Variants in SAMMSON observed in about 807,000 individuals in gnomAD.
The protein encoded by SAMMSON is long intergenic non-protein coding RNA 1212.
intron 4 of SAMMSON, chr3:70,126,149 GGCA>G (rs2067457627): frequency 8.0e-7 from 1 of 1,246,172 alleles, no homozygotes; most frequent in African/African-American, 1.4e-5. Flanking sequence ...ATATACTTGA[GGCA>G]TGAATTAAGA....
At chr3:70,284,486 T>C (rs1702120881) in intron 6 of SAMMSON, among the ~76,000 whole-genome samples, 1 of 152,132 alleles carries the variant, frequency 6.6e-6, no homozygotes, top group South Asian at 2.1e-4. Flanking sequence ...AGCAAAGACA[T>C]GGCATCAACC....
chr3:70,337,556 A>C (rs1222286178), intron 7 of SAMMSON, among the ~76,000 whole-genome samples: 1 of 152,012 alleles, frequency 6.6e-6, no homozygotes, highest in Non-Finnish European at 1.5e-5. Context: ...TCTTGCAATG[A>C]GAATGATAGA....
In SAMMSON at chr3:70,395,235, C is replaced by T. The variant is rs533353386; in HGVS notation, n.233+36911C>T. On this transcript the variant is annotated intron_variant and non_coding_transcript_variant, in intron 2 of 3. Coordinates refer to the SAMMSON transcript ENST00000641053. ...TCTCTATTGTCCGCTCCATTCCACT[C>T]TTCTCCCCTCCTGCAGAATGCAAGT... 1.3e-4 allele frequency among the ~76,000 whole-genome samples: 20 copies of T among 151,868 alleles called. No individual in the cohort carries two copies. The South Asian group carries it at 3.7e-3, about 28-fold the overall frequency.
chr3:70,348,227 T>A (rs568267972), intron 7 of SAMMSON, among the ~76,000 whole-genome samples: 2 of 152,134 alleles, frequency 1.3e-5, no homozygotes, highest in African/African-American at 4.8e-5. Context: ...AAGGCTTGAA[T>A]AAGAAATGTG....
chr3:70,311,653 A>G (rs1702454124), intron 7 of SAMMSON, among the ~76,000 whole-genome samples: 1 of 152,204 alleles, frequency 6.6e-6, no homozygotes, highest in Admixed American at 6.5e-5. Flanking sequence ...TTACCAACAA[A>G]GTAATCTATG....
At chr3:70,175,839 T>C (rs141069837) in intron 4 of SAMMSON, among the ~76,000 whole-genome samples, 132 of 152,244 alleles carry the variant, frequency 8.7e-4, no homozygotes, top group Admixed American at 4.5e-3. Context: ...AGTTGGGTCC[T>C]GGGTTTCAGT....
chr3:70,097,925 G>T (rs1371683359), intron 4 of SAMMSON, among the ~76,000 whole-genome samples: 1 of 152,170 alleles, frequency 6.6e-6, no homozygotes, highest in Non-Finnish European at 1.5e-5. Context: ...CTTGAGAAAT[G>T]AATGTATTAA....
intron 4 of SAMMSON, among the ~76,000 whole-genome samples, chr3:70,207,765 A>T (rs1474776772): frequency 6.6e-6 from 1 of 152,106 alleles, no homozygotes; most frequent in Non-Finnish European, 1.5e-5. Flanking sequence ...ATATGGGAGG[A>T]TATGCATAGG....
chr3:70,005,859 T>C (rs778300104), intron 1 of SAMMSON, among the ~76,000 whole-genome samples: 13 of 152,194 alleles, frequency 8.5e-5, no homozygotes, highest in Non-Finnish European at 1.6e-4. Flanking sequence ...GTCCTTTCCT[T>C]ATTGACTAAA....
At chr3:70,314,326 T>C (rs187194403) in intron 7 of SAMMSON, among the ~76,000 whole-genome samples, 9 of 152,310 alleles carry the variant, frequency 5.9e-5, no homozygotes, top group African/African-American at 2.2e-4. Context: ...TGTTCCAAAG[T>C]TGTAGAATAC....
intron 9 of SAMMSON, among the ~76,000 whole-genome samples, chr3:70,364,797 A>C (rs1233437300): frequency 6.6e-6 from 1 of 151,404 alleles, no homozygotes; most frequent in African/African-American, 2.4e-5. Flanking sequence ...TTTTAATCTG[A>C]GCTTTATTTC....
chr3:70,028,850 G>C (rs1050135842), intron 3 of SAMMSON, among the ~76,000 whole-genome samples: 1 of 152,170 alleles, frequency 6.6e-6, no homozygotes, highest in African/African-American at 2.4e-5. Flanking sequence ...AATGATAGTA[G>C]TAAGAGGTAA....
intron 7 of SAMMSON, among the ~76,000 whole-genome samples, chr3:70,298,703 T>C (rs1205291330): frequency 6.6e-6 from 1 of 152,052 alleles, no homozygotes; most frequent in Non-Finnish European, 1.5e-5. Context: ...GCCCAAACTT[T>C]TCCAGTCTTC....
At chr3:70,233,481 T>C (rs1701580354) in intron 4 of SAMMSON, among the ~76,000 whole-genome samples, 1 of 152,222 alleles carries the variant, frequency 6.6e-6, no homozygotes, top group Admixed American at 6.5e-5. Context: ...TAAAACCTTT[T>C]TATAGATTTA....
At chr3:70,424,127 C>A (rs1165625599) in intron 2 of SAMMSON, among the ~76,000 whole-genome samples, 1 of 152,184 alleles carries the variant, frequency 6.6e-6, no homozygotes, top group African/African-American at 2.4e-5. Context: ...ATTCAAAACT[C>A]TATGTACATG....
At chr3:70,163,875 T>G (rs1402780395) in intron 4 of SAMMSON, among the ~76,000 whole-genome samples, 1 of 152,022 alleles carries the variant, frequency 6.6e-6, no homozygotes, top group Non-Finnish European at 1.5e-5. Context: ...AACACTAGGT[T>G]TACTTGTGAA....
chr3:70,045,118 T>C (rs377201698), intron 3 of SAMMSON, among the ~76,000 whole-genome samples: 1 of 82,300 alleles, frequency 1.2e-5, no homozygotes, highest in Non-Finnish European at 3.1e-5. Context: ...AATTTATATA[T>C]ATTAATTATA....
chr3:70,192,970 G>A (rs1304486191), intron 4 of SAMMSON, among the ~76,000 whole-genome samples: 2 of 152,122 alleles, frequency 1.3e-5, no homozygotes, highest in South Asian at 2.1e-4. Flanking sequence ...CGGATGTTTA[G>A]CAACATTTCT....
chr3:70,008,139 G>A (rs1257612932), intron 1 of SAMMSON, among the ~76,000 whole-genome samples: 1 of 151,934 alleles, frequency 6.6e-6, no homozygotes, highest in East Asian at 1.9e-4. Context: ...GCTCTTTTTT[G>A]GTTCCATATG....
Sources: allele counts gnomAD v4.1 joint callset (sites outside exome capture counted in the v4.1 genomes callset), GRCh38; gene constraint gnomAD v4.1.1; transcripts MANE v1.5; gene names NCBI Gene and HGNC (gene_info 2026-07-23, HGNC 2026-07-21).